The following FGD6 variants were observed in gnomAD, a reference collection of about 807,000 sequenced individuals.
FGD6 encodes FYVE, RhoGEF and PH domain-containing protein 6.
Under a neutral mutation model 149.4 loss-of-function variants are expected in FGD6, and 90 were observed. The observed-to-expected ratio is 0.60, with a 90% confidence interval of 0.51 to 0.72. The LOEUF (loss-of-function observed/expected upper bound fraction) is 0.72, where lower values mean the gene tolerates loss of function less well. Ranked by LOEUF, FGD6 falls within the 30% of genes least tolerant of loss-of-function variation. The probability of loss-of-function intolerance (pLI) is 0.00; values close to 1 mark genes in which losing one functional copy is unlikely to be tolerated. For synonymous variants in FGD6, 527 were observed against 584.0 expected, an observed-to-expected ratio of 0.90 and a Z score of 1.41; for missense variants, 1,437 against 1,684.8, an observed-to-expected ratio of 0.85 and a Z score of 2.57.
intron 5 of FGD6, among the ~76,000 whole-genome samples, chr12:95,150,866 T>C (rs1419583082): frequency 6.6e-6 from 1 of 152,032 alleles, no homozygotes; most frequent in Non-Finnish European, 1.5e-5. Flanking sequence ...TTTGGGAGGC[T>C]GAGGTGGGCA....
At chr12:95,195,965 T>C (rs894985936) in intron 2 of FGD6, among the ~76,000 whole-genome samples, 1 of 151,772 alleles carries the variant, frequency 6.6e-6, no homozygotes, top group Non-Finnish European at 1.5e-5. Context: ...CTACTAAATA[T>C]ATAAAAATTA....
intron 2 of FGD6, among the ~76,000 whole-genome samples, chr12:95,205,607 A>G (rs922227875): frequency 6.6e-6 from 1 of 152,252 alleles, no homozygotes; most frequent in African/African-American, 2.4e-5. Context: ...TGTATTTTCA[A>G]CAGCGAGATT....
At chr12:95,104,958 A>G in intron 14 of FGD6, 49 bp downstream of exon 14, 11 of 1,482,688 alleles carry the variant, frequency 7.4e-6, no homozygotes, top group Non-Finnish European at 9.9e-6. Flanking sequence ...CCTAGCAAGC[A>G]GACTCAGAAT....
intron 7 of FGD6, among the ~76,000 whole-genome samples, chr12:95,136,461 A>G (rs1879670388): frequency 6.6e-6 from 1 of 152,250 alleles, no homozygotes; most frequent in Non-Finnish European, 1.5e-5. Context: ...AAAACAGAGA[A>G]GTACTAAAAT....
chr12:95,089,681 G>A lies in FGD6; in HGVS notation c.3866C>T (p.Pro1289Leu). 9 of 1,613,708 alleles carry A rather than the reference G, an allele frequency of 5.6e-6. No individual in the cohort carries two copies. The highest frequency in any genetic ancestry group is 1.1e-5 in the South Asian group (1 of 91,030). The change falls in exon 18 of 21, where the codon CCT (proline) becomes CTT (leucine). Residue 1289 changes from proline to leucine, a missense_variant. By Grantham distance (98) the Pro-to-Leu change is moderately conservative. Coordinates refer to ENST00000343958, the MANE Select transcript of FGD6 (RefSeq NM_018351.4). ...GTGATTTCCAGGAGATCCAATCCTA[G>A]GGGAGTGCTGGTGATCTAGAACAAA... ...ELQKLDHQHSPRIGSPGNHKS... is the reference protein window; with the variant it reads ...ELQKLDHQHSLRIGSPGNHKS...
chr12:95,142,346 T>C (rs1052266594), intron 5 of FGD6, among the ~76,000 whole-genome samples: 3 of 152,106 alleles, frequency 2.0e-5, no homozygotes, highest in African/African-American at 4.8e-5. Context: ...CGTTTCACCA[T>C]GTTGGCCAGG....
At chr12:95,111,290 CAT>C (rs1878815262) in intron 9 of FGD6, among the ~76,000 whole-genome samples, 1 of 152,030 alleles carries the variant, frequency 6.6e-6, no homozygotes, top group Non-Finnish European at 1.5e-5. Flanking sequence ...CACTGCTCAC[CAT>C]ATGATTGCTG....
At chr12:95,124,357 A>G (rs1337792241) in intron 8 of FGD6, among the ~76,000 whole-genome samples, 2 of 152,232 alleles carry the variant, frequency 1.3e-5, no homozygotes, top group African/African-American at 4.8e-5. Context: ...CACCCTGAGT[A>G]TCAACAAAGC....
chr12:95,098,355 A>G (rs1421431781), intron 14 of FGD6, among the ~76,000 whole-genome samples: 1 of 151,894 alleles, frequency 6.6e-6, no homozygotes, highest in Non-Finnish European at 1.5e-5. Context: ...GCAGCCGGAT[A>G]CTCTTTAAAA....
intron 5 of FGD6, among the ~76,000 whole-genome samples, chr12:95,145,717 G>C (rs201638095): frequency 6.6e-6 from 1 of 152,024 alleles, no homozygotes; most frequent in Non-Finnish European, 1.5e-5. Context: ...TTGCTCTGTC[G>C]TCCAGGCTGG....
At chr12:95,205,780 T>C (rs1308872867) in intron 2 of FGD6, among the ~76,000 whole-genome samples, 2 of 152,228 alleles carry the variant, frequency 1.3e-5, no homozygotes, top group African/African-American at 4.8e-5. Flanking sequence ...ACTGTGATTC[T>C]GACCCTATGA....
chr12:95,216,669 CAAAAAAAA>C (rs143881424), intron 1 of FGD6, among the ~76,000 whole-genome samples: 1 of 88,754 alleles, frequency 1.1e-5, no homozygotes, highest in Non-Finnish European at 2.1e-5. Context: ...TGCAGACAAG[CAAAAAAAA>C]AAAAAAAAAA....
intron 15 of FGD6, among the ~76,000 whole-genome samples, chr12:95,093,950 A>G (rs1457518041): frequency 7.9e-5 from 12 of 152,086 alleles, no homozygotes; most frequent in Admixed American, 7.2e-4. Flanking sequence ...ACCAGAGGTC[A>G]GGAGTTTGAG....
Position 95,142,567 on chromosome 12 carries a change from C to T in FGD6, c.2686-1028G>A, listed in dbSNP as rs541081595. On this transcript the variant is annotated intron_variant, in intron 5 of 20. Transcript: ENST00000343958. ...TGCTGTGATTATAGGCATGAGCCACCGTGCCTGGCAGGCACATGCTTGATA... is the reference window on the plus strand; with the variant it reads ...TGCTGTGATTATAGGCATGAGCCACTGTGCCTGGCAGGCACATGCTTGATA... 6.6e-5 allele frequency among the ~76,000 whole-genome samples: 10 copies of T among 152,330 alleles called. No individual in the cohort carries two copies. The South Asian group carries it at 1.9e-3, about 28-fold the overall frequency.
chr12:95,085,011 C>G, intron 19 of FGD6, among the ~76,000 whole-genome samples: 1 of 152,072 alleles, frequency 6.6e-6, no homozygotes, highest in South Asian at 2.1e-4. Flanking sequence ...AAGTGTGGAC[C>G]CTACAGCAGT....
intron 3 of FGD6, among the ~76,000 whole-genome samples, chr12:95,168,493 G>A (rs907467011): frequency 6.6e-6 from 1 of 152,034 alleles, no homozygotes; most frequent in Non-Finnish European, 1.5e-5. Context: ...GAGAAACTCC[G>A]TCTCTACTAA....
At chr12:95,101,834 C>T (rs944735360) in intron 14 of FGD6, among the ~76,000 whole-genome samples, 1 of 151,854 alleles carries the variant, frequency 6.6e-6, no homozygotes, top group African/African-American at 2.4e-5. Context: ...AGATAAGCGC[C>T]ACCACACCCG....
chr12:95,103,004 T>G (rs949735655), intron 14 of FGD6, among the ~76,000 whole-genome samples: 5 of 152,124 alleles, frequency 3.3e-5, no homozygotes, highest in Non-Finnish European at 5.9e-5. Flanking sequence ...TAATAAATGA[T>G]TCTGGCCACT....
intron 8 of FGD6, among the ~76,000 whole-genome samples, chr12:95,120,735 G>A (rs576651852): frequency 5.5e-4 from 84 of 152,218 alleles, no homozygotes; most frequent in African/African-American, 2.0e-3. Flanking sequence ...TTGGGTGCTT[G>A]ATACATATCA....
Sources: gnomAD v4.1 joint callset for allele counts (sites outside exome capture counted in the v4.1 genomes callset) on GRCh38, gnomAD v4.1.1 for gene constraint, MANE v1.5 for transcripts, NCBI Gene and HGNC (gene_info 2026-07-23, HGNC 2026-07-21) for gene names.